The following CD163L1 variants were observed in gnomAD, a reference collection of about 807,000 sequenced individuals.
CD163L1 encodes scavenger receptor cysteine-rich type 1 protein M160.
CD163L1 carries 124 observed loss-of-function variants against 165.4 expected under a neutral mutation model. The ratio of observed to expected loss-of-function variants is 0.75; its 90% CI spans 0.65 to 0.87. The LOEUF is 0.87. Ranked by LOEUF, CD163L1 falls within the 40% of genes least tolerant of loss-of-function variation. The pLI, the probability that CD163L1 is intolerant of heterozygous loss-of-function variation, is 0.00. For synonymous variants in CD163L1, 585 were observed against 662.2 expected, an observed-to-expected ratio of 0.88 and a Z score of 1.79; for missense variants, 1,525 against 1,799.9, an observed-to-expected ratio of 0.85 and a Z score of 2.76.
chr12:7,429,104 T>C (rs1385093888), intron 4 of CD163L1, among the ~76,000 whole-genome samples: 1 of 151,946 alleles, frequency 6.6e-6, no homozygotes, highest in Non-Finnish European at 1.5e-5. Flanking sequence ...AAATAAAGGG[T>C]ATTATCTCAA....
At chr12:7,332,505 G>C in the CD163L1 span, among the ~76,000 whole-genome samples, 1 of 140,620 alleles carries the variant, frequency 7.1e-6, no homozygotes. Flanking sequence ...GTTGAAATGA[G>C]GGAAAAAATG....
At chr12:7,394,496 G>A (rs1276080243) in intron 8 of CD163L1, among the ~76,000 whole-genome samples, 2 of 152,120 alleles carry the variant, frequency 1.3e-5, no homozygotes, top group African/African-American at 4.8e-5. Flanking sequence ...AACCCTAGAA[G>A]AAAACCTAGG....
the CD163L1 span, among the ~76,000 whole-genome samples, chr12:7,327,614 T>C: frequency 6.6e-6 from 1 of 152,186 alleles, no homozygotes; most frequent in Non-Finnish European, 1.5e-5. Flanking sequence ...TGTAGTTTCC[T>C]TCTAACCATG....
Position 7,421,544 on chromosome 12 carries a change from C to G in CD163L1, c.766+10872G>C, listed in dbSNP as rs752813992. On this transcript the variant is annotated intron_variant, in intron 4 of 19. Coordinates refer to ENST00000313599, the MANE Select transcript of CD163L1 (RefSeq NM_174941.6). ...ATGTACATATATACATATACGTACA[C>G]ATATACATATACATATATGTACATA... Among the ~76,000 whole-genome samples, 3 of 113,790 alleles carry G rather than the reference C, an allele frequency of 2.6e-5. 1 individual carries two copies. The highest frequency in any genetic ancestry group is 5.0e-5 in the Non-Finnish European group (3 of 60,592). 74.7% of individuals were successfully genotyped at this position (113,790 alleles called of 152,430 possible). A position where few individuals can be genotyped will look rare whatever the true frequency, so the allele number is the denominator to read the frequency against.
intron 1 of CD163L1, 70 bp downstream of exon 1, chr12:7,444,024 TTTG>T (rs1948860830): frequency 7.4e-7 from 1 of 1,355,532 alleles, no homozygotes; most frequent in Non-Finnish European, 1.1e-6. Flanking sequence ...TTTATATCTG[TTTG>T]TTGTTACACA....
At chr12:7,443,749 A>G (rs1164102585) in intron 1 of CD163L1, among the ~76,000 whole-genome samples, 1 of 152,186 alleles carries the variant, frequency 6.6e-6, no homozygotes, top group African/African-American at 2.4e-5. Context: ...AATTGAGATG[A>G]CCTAAAGCAT....
At chr12:7,434,925 C>T (rs1948695590) in intron 2 of CD163L1, among the ~76,000 whole-genome samples, 1 of 152,048 alleles carries the variant, frequency 6.6e-6, no homozygotes, top group Non-Finnish European at 1.5e-5. Flanking sequence ...ATTTTGGTTT[C>T]CTTATATTTC....
chr12:7,349,555 C>T (rs1345437198), intron 4 of CD163L1, among the ~76,000 whole-genome samples: 1 of 152,100 alleles, frequency 6.6e-6, no homozygotes, highest in Non-Finnish European at 1.5e-5. Context: ...GAATAACAAA[C>T]CACAGGGAAA....
intron 18 of CD163L1, among the ~76,000 whole-genome samples, chr12:7,364,012 T>C (rs1946961227): frequency 6.6e-6 from 1 of 152,130 alleles, no homozygotes; most frequent in Non-Finnish European, 1.5e-5. Context: ...CCAATGTCAC[T>C]GATGAACAAA....
chr12:7,411,783 G>C (rs1481489466), intron 4 of CD163L1, among the ~76,000 whole-genome samples: 1 of 152,198 alleles, frequency 6.6e-6, no homozygotes, highest in African/African-American at 2.4e-5. Flanking sequence ...CATAGTGTTT[G>C]CATACCCATA....
chr12:7,335,349 C>G, the CD163L1 span, among the ~76,000 whole-genome samples: 4 of 152,156 alleles, frequency 2.6e-5, no homozygotes, highest in African/African-American at 9.7e-5. Context: ...ATATCTACAA[C>G]TATCTGATCT....
At chr12:7,320,624 G>A in the CD163L1 span, 1 of 930,708 alleles carries the variant, frequency 1.1e-6, no homozygotes. Context: ...CCACGGGATG[G>A]GCACATATTA....
the CD163L1 span, chr12:7,322,393 G>C: frequency 6.2e-7 from 1 of 1,612,920 alleles, no homozygotes. Flanking sequence ...CTCTTGAAAA[G>C]ACCCATGCAA....
chr12:7,406,611 A>C lies in CD163L1; in HGVS notation c.1008T>G (p.Ser336=). The change falls in exon 5 of 20, where the codon TCT becomes TCG. Residue 336 remains serine (S), a synonymous_variant. Transcript: ENST00000313599. ...CGGAATGTCTGCAGTCCCAAAGAAA[A>C]GATTCATTACCGGAGCAGGAGACAC... The part of the protein sequence containing the change: ...LDGVSCSGNE[S]FLWDCRHSGT... The C allele has an allele frequency of 6.2e-7, 1 of 1,614,084 alleles. No homozygotes were observed. The highest frequency in any genetic ancestry group is 1.1e-5 in the South Asian group (1 of 91,074).
intron 6 of CD163L1, 145 bp downstream of exon 6, chr12:7,403,390 G>A: frequency 1.3e-6 from 1 of 746,522 alleles, no homozygotes; most frequent in Non-Finnish European, 2.1e-6. Flanking sequence ...ATGTGCATTT[G>A]AAAAGTTCTT....
At chr12:7,333,008 G>C in the CD163L1 span, among the ~76,000 whole-genome samples, 1 of 152,146 alleles carries the variant, frequency 6.6e-6, no homozygotes, top group Non-Finnish European at 1.5e-5. Context: ...AAAGAGTCAT[G>C]ACCCATCAGT....
chr12:7,401,845 T>C (rs2136517781), intron 6 of CD163L1, among the ~76,000 whole-genome samples: 2 of 152,134 alleles, frequency 1.3e-5, no homozygotes, highest in South Asian at 4.1e-4. Flanking sequence ...ACCTTTTCAC[T>C]GGGTTTATAA....
At chr12:7,358,651 C>T (rs896980194) in intron 18 of CD163L1, among the ~76,000 whole-genome samples, 6 of 152,072 alleles carry the variant, frequency 3.9e-5, no homozygotes, top group Non-Finnish European at 8.8e-5. Flanking sequence ...ACTCTCTTTA[C>T]CTCAATTCTT....
intron 8 of CD163L1, among the ~76,000 whole-genome samples, chr12:7,382,808 A>T (rs1947439342): frequency 6.6e-6 from 1 of 152,092 alleles, no homozygotes. Context: ...TAAGCCCTAC[A>T]TCTCTACATG....
Sources: allele counts gnomAD v4.1 joint callset (sites outside exome capture counted in the v4.1 genomes callset), GRCh38; gene constraint gnomAD v4.1.1; transcripts MANE v1.5; gene names NCBI Gene and HGNC (gene_info 2026-07-23, HGNC 2026-07-21).